Variants in EYS observed in about 807,000 individuals in gnomAD.
The protein encoded by EYS is EGF-like photoreceptor maintenance factor, also known as protein eyes shut homolog.
A neutral mutation model predicts 282.1 loss-of-function variants in EYS; 250 were observed. That is an observed-to-expected ratio of 0.89 (90% CI 0.80 to 0.98). EYS has a LOEUF of 0.98. Ranked by LOEUF, EYS falls within the 50% of genes least tolerant of loss-of-function variation. The pLI is 0.00. For synonymous variants in EYS, 1,355 were observed against 1,282.9 expected (o/e 1.06, Z -1.20); for missense variants, 4,016 against 3,709.0 (o/e 1.08, Z -2.15).
chr6:64,542,463 T>C (rs1764718955), intron 26 of EYS, among the ~76,000 whole-genome samples: 1 of 152,122 alleles, frequency 6.6e-6, no homozygotes, highest in African/African-American at 2.4e-5. Context: ...TTTACCTGAA[T>C]ATAAAGCTTT....
chr6:63,968,071 CATT>C (rs1766387799), intron 35 of EYS, among the ~76,000 whole-genome samples: 1 of 151,546 alleles, frequency 6.6e-6, no homozygotes, highest in Non-Finnish European at 1.5e-5. Context: ...ATTTCTGTCA[CATT>C]ATGAATTTTT....
intron 37 of EYS, among the ~76,000 whole-genome samples, chr6:63,803,251 C>CTT (rs773877468): frequency 5.2e-5 from 7 of 135,570 alleles, no homozygotes; most frequent in African/African-American, 1.6e-4. Flanking sequence ...ATTTGCCAGG[C>CTT]TTTTTTTTTT....
intron 12 of EYS, among the ~76,000 whole-genome samples, chr6:65,171,145 C>CT (rs1765096015): frequency 6.6e-6 from 1 of 151,516 alleles, no homozygotes; most frequent in Admixed American, 6.6e-5. Context: ...TTATAGGCAG[C>CT]TTTAGGAAAG....
chr6:64,178,529 CA>C (rs2150310565), intron 31 of EYS, among the ~76,000 whole-genome samples: 1 of 152,122 alleles, frequency 6.6e-6, no homozygotes, highest in South Asian at 2.1e-4. Context: ...CTTAACTCTA[CA>C]GATGGAAAAG....
chr6:64,090,675 G>A (rs537425737), intron 31 of EYS, among the ~76,000 whole-genome samples: 10 of 151,292 alleles, frequency 6.6e-5, no homozygotes, highest in Non-Finnish European at 1.5e-4. Flanking sequence ...TCTAATTTTT[G>A]TCTTGCGTTT....
chr6:65,637,090 A>G (rs1047581396), intron 2 of EYS, among the ~76,000 whole-genome samples: 10 of 152,212 alleles, frequency 6.6e-5, no homozygotes, highest in African/African-American at 2.4e-4. Context: ...ATTAAAGGCT[A>G]AGCTTAAAGG....
At chr6:64,568,412 A>G (rs1167634024) in intron 26 of EYS, among the ~76,000 whole-genome samples, 1 of 152,206 alleles carries the variant, frequency 6.6e-6, no homozygotes. Context: ...TCCCTAGTCA[A>G]ACGTAATAGT....
chr6:64,359,118 C>T lies in EYS; in HGVS notation c.6078+29572G>A, dbSNP rs2057159. Reference sequence around the variant, plus strand: ...ATTAAGAAGACTTATGTTAGGTTGTCCACTTATTATTTTTCTCAACAAGAG... The same window carrying T: ...ATTAAGAAGACTTATGTTAGGTTGTTCACTTATTATTTTTCTCAACAAGAG... On this transcript the variant is annotated intron_variant, in intron 29 of 42. Transcript: ENST00000503581. 7.4e-3 allele frequency among the ~76,000 whole-genome samples: 1,115 copies of T among 151,632 alleles called. 17 individuals carry two copies. Among genetic ancestry groups the T allele is most frequent in the East Asian group, 0.049 (253 of 5,124 alleles).
At chr6:64,804,729 A>G (rs989933216) in intron 22 of EYS, among the ~76,000 whole-genome samples, 4 of 152,162 alleles carry the variant, frequency 2.6e-5, no homozygotes, top group Non-Finnish European at 5.9e-5. Flanking sequence ...TGCTTCATCA[A>G]AGGAAAGGAA....
chr6:64,389,661 C>A (rs186252687), intron 28 of EYS, among the ~76,000 whole-genome samples: 9 of 152,116 alleles, frequency 5.9e-5, no homozygotes, highest in Non-Finnish European at 1.0e-4. Context: ...TACTATCTAA[C>A]CCTTATAGAA....
At chr6:64,648,706 C>G (rs2149876611) in intron 22 of EYS, among the ~76,000 whole-genome samples, 1 of 152,160 alleles carries the variant, frequency 6.6e-6, no homozygotes, top group Non-Finnish European at 1.5e-5. Flanking sequence ...GAAAGATAGA[C>G]TGATAAACCG....
chr6:65,184,335 G>A (rs1276253197), intron 12 of EYS, among the ~76,000 whole-genome samples: 2 of 151,738 alleles, frequency 1.3e-5, no homozygotes, highest in African/African-American at 4.8e-5. Flanking sequence ...CAAACAGTAG[G>A]AGAGAGAGCA....
At chr6:65,344,769 C>T (rs1444336336) in intron 9 of EYS, among the ~76,000 whole-genome samples, 1 of 151,354 alleles carries the variant, frequency 6.6e-6, no homozygotes, top group Non-Finnish European at 1.5e-5. Flanking sequence ...AATGGTAAAT[C>T]TCAGAATTGT....
chr6:65,044,320 G>A (rs933846831), intron 13 of EYS, among the ~76,000 whole-genome samples: 2 of 150,202 alleles, frequency 1.3e-5, no homozygotes, highest in Non-Finnish European at 3.0e-5. Flanking sequence ...TGAAAATAAT[G>A]TTTTCCTTTC....
chr6:64,422,835 C>A (rs1290095587), intron 28 of EYS, among the ~76,000 whole-genome samples: 1 of 152,060 alleles, frequency 6.6e-6, no homozygotes, highest in Non-Finnish European at 1.5e-5. Context: ...TCATTACTTT[C>A]ATTTGTAGTG....
At chr6:65,272,733 A>G (rs555822237) in intron 12 of EYS, among the ~76,000 whole-genome samples, 1 of 152,308 alleles carries the variant, frequency 6.6e-6, no homozygotes, top group South Asian at 2.1e-4. Flanking sequence ...CATTAATGTT[A>G]TATTGAACAA....
At chr6:63,899,120 G>C (rs1773602816) in intron 35 of EYS, among the ~76,000 whole-genome samples, 1 of 152,186 alleles carries the variant, frequency 6.6e-6, no homozygotes, top group South Asian at 2.1e-4. Flanking sequence ...GGTTCTTAGA[G>C]AACAGACAAT....
At chr6:64,853,410 C>T (rs1021397231) in intron 19 of EYS, among the ~76,000 whole-genome samples, 1 of 152,002 alleles carries the variant, frequency 6.6e-6, no homozygotes, top group African/African-American at 2.4e-5. Flanking sequence ...TTTTTCCATG[C>T]AGAATACCAG....
intron 28 of EYS, among the ~76,000 whole-genome samples, chr6:64,404,448 G>A (rs1317264505): frequency 6.6e-6 from 1 of 152,020 alleles, no homozygotes; most frequent in African/African-American, 2.4e-5. Context: ...AGGAAATAGG[G>A]AAAGCCTGGT....
Sources: gnomAD v4.1 joint callset for allele counts (sites outside exome capture counted in the v4.1 genomes callset) on GRCh38, gnomAD v4.1.1 for gene constraint, MANE v1.5 for transcripts, NCBI Gene and HGNC (gene_info 2026-07-23, HGNC 2026-07-21) for gene names.